TTC28: variants seen among roughly 807,000 people sequenced by gnomAD.
The protein encoded by TTC28 is tetratricopeptide repeat protein 28.
In TTC28, 61 loss-of-function variants were observed where a neutral mutation model predicts 198.0. The observed-to-expected ratio is 0.31, with a 90% CI of 0.25 to 0.38. TTC28 has a LOEUF of 0.38. Ranked by LOEUF, TTC28 falls within the 10% of genes least tolerant of loss-of-function variation. The probability of loss-of-function intolerance (pLI) is 1.00; values close to 1 mark genes in which losing one functional copy is unlikely to be tolerated. For missense variants in TTC28, 2,678 were observed against 3,164.0 expected (o/e 0.85, Z 3.69); for synonymous variants, 1,171 against 1,297.8 (o/e 0.90, Z 2.10).
chr22:28,524,299 T>C (rs1295639573), intron 2 of TTC28, among the ~76,000 whole-genome samples: 4 of 150,230 alleles, frequency 2.7e-5, no homozygotes, highest in African/African-American at 7.4e-5. Context: ...CTACCAAAAA[T>C]ACAAAAACAA....
Position 28,349,447 on chromosome 22 carries a change from G to A in TTC28, c.382-42804C>T, listed in dbSNP as rs1282151374. 3.9e-5 allele frequency among the ~76,000 whole-genome samples: 6 copies of A among 152,238 alleles called. No homozygotes were observed. In the East Asian group the frequency reaches 1.2e-3, roughly 29 times the overall value. On this transcript the variant is annotated intron_variant, in intron 2 of 22. Transcript: ENST00000397906. ...GAACATAATCCATGTCCATTACCACGACTGAACAAATGCCCATCCATCTGC... is the reference window on the plus strand; with the variant it reads ...GAACATAATCCATGTCCATTACCACAACTGAACAAATGCCCATCCATCTGC...
chr22:28,406,623 T>G (rs2047001596), intron 2 of TTC28, among the ~76,000 whole-genome samples: 1 of 152,176 alleles, frequency 6.6e-6, no homozygotes, highest in African/African-American at 2.4e-5. Flanking sequence ...CTGGCACTAG[T>G]AAACACCTAA....
chr22:28,042,170 G>C (rs1435461333), intron 12 of TTC28, among the ~76,000 whole-genome samples: 2 of 152,124 alleles, frequency 1.3e-5, no homozygotes, highest in Non-Finnish European at 2.9e-5. Context: ...AAGACAGTGT[G>C]GCGATTCCTC....
At chr22:28,240,126 A>T (rs1234578133) in intron 5 of TTC28, among the ~76,000 whole-genome samples, 1 of 152,236 alleles carries the variant, frequency 6.6e-6, no homozygotes, top group Non-Finnish European at 1.5e-5. Flanking sequence ...GAAACTTTTC[A>T]ACCCAGTATT....
intron 12 of TTC28, among the ~76,000 whole-genome samples, chr22:28,084,501 A>G (rs993573173): frequency 6.6e-6 from 1 of 152,086 alleles, no homozygotes; most frequent in Admixed American, 6.6e-5. Context: ...CACACCAAAA[A>G]CCCATCTGTA....
At chr22:28,288,030 G>A (rs1370820484) in intron 5 of TTC28, among the ~76,000 whole-genome samples, 2 of 152,166 alleles carry the variant, frequency 1.3e-5, no homozygotes, top group African/African-American at 4.8e-5. Flanking sequence ...CTGATATAAT[G>A]TAGTCATATG....
intron 2 of TTC28, among the ~76,000 whole-genome samples, chr22:28,571,644 C>T (rs1414973850): frequency 6.6e-6 from 1 of 152,088 alleles, no homozygotes; most frequent in Non-Finnish European, 1.5e-5. Context: ...TATGTAGTAA[C>T]GGTTAACATA....
chr22:28,162,743 G>A (rs1733190137), intron 6 of TTC28, among the ~76,000 whole-genome samples: 1 of 152,176 alleles, frequency 6.6e-6, no homozygotes, highest in African/African-American at 2.4e-5. Context: ...GAGCCCAGGA[G>A]TTCGAGACCA....
intron 6 of TTC28, among the ~76,000 whole-genome samples, chr22:28,121,083 G>A (rs972616828): frequency 5.3e-5 from 8 of 152,154 alleles, no homozygotes; most frequent in Non-Finnish European, 1.2e-4. Flanking sequence ...TAATTGAGAG[G>A]AACTTACATA....
chr22:28,310,772 T>G (rs2045241771), intron 2 of TTC28, among the ~76,000 whole-genome samples: 1 of 152,070 alleles, frequency 6.6e-6, no homozygotes, highest in South Asian at 2.1e-4. Context: ...TATTTTCAAA[T>G]GTTATAATTT....
At chr22:28,431,829 T>C (rs142634640) in intron 2 of TTC28, among the ~76,000 whole-genome samples, 2,449 of 151,984 alleles carry the variant, frequency 0.016, 88 homozygotes, top group African/African-American at 0.057. Context: ...AATACAAAAA[T>C]GAGCCGGGCG....
intron 2 of TTC28, among the ~76,000 whole-genome samples, chr22:28,616,123 A>C (rs1189493639): frequency 1.3e-5 from 2 of 152,332 alleles, no homozygotes; most frequent in South Asian, 2.1e-4. Context: ...TTGAGTTCTT[A>C]AACAATGGAC....
intron 5 of TTC28, among the ~76,000 whole-genome samples, chr22:28,294,472 ATATCTTAAAAGTC>A (rs2044850576): frequency 6.6e-6 from 1 of 152,012 alleles, no homozygotes; most frequent in African/African-American, 2.4e-5. Context: ...TATGATTCAG[ATATCTTAAAAGTC>A]TTTCTACCCT....
chr22:28,537,766 T>C (rs2049327506), intron 2 of TTC28, among the ~76,000 whole-genome samples: 1 of 152,228 alleles, frequency 6.6e-6, no homozygotes, highest in Admixed American at 6.5e-5. Context: ...ACTGTTAAAC[T>C]ACAATACATC....
chr22:28,642,458 A>C (rs1306280436), intron 1 of TTC28, among the ~76,000 whole-genome samples: 1 of 151,908 alleles, frequency 6.6e-6, no homozygotes, highest in South Asian at 2.1e-4. Context: ...CAAAAAAAAA[A>C]CACTAGCTTC....
rs2048519802 is a variant in TTC28 at position 28,500,366 on chromosome 22, C to T, written c.381+129186G>A. Among the ~76,000 whole-genome samples the T allele has an allele frequency of 1.3e-5, 2 of 152,152 alleles. 1 individual carries two copies. Among genetic ancestry groups the T allele is most frequent in the African/African-American group, 4.8e-5 (2 of 41,448 alleles). ...CCTTTTAGCATGTATTAATCAGATA[C>T]ATTAATGTATTAAGATCACTTGTTT... On this transcript the variant is annotated intron_variant, in intron 2 of 22. Transcript: ENST00000397906.
chr22:28,467,893 C>G (rs2048044879), intron 2 of TTC28, among the ~76,000 whole-genome samples: 1 of 152,104 alleles, frequency 6.6e-6, no homozygotes, highest in Non-Finnish European at 1.5e-5. Context: ...TCCTGTGTAG[C>G]TGGGACCACA....
chr22:28,461,780 C>G (rs2047954399), intron 2 of TTC28, among the ~76,000 whole-genome samples: 1 of 152,178 alleles, frequency 6.6e-6, no homozygotes, highest in South Asian at 2.1e-4. Flanking sequence ...CTCACCAATC[C>G]TGTCCTCCTT....
At chr22:28,242,096 G>C (rs1483825094) in intron 5 of TTC28, among the ~76,000 whole-genome samples, 1 of 152,110 alleles carries the variant, frequency 6.6e-6, no homozygotes, top group African/African-American at 2.4e-5. Context: ...CTATTTCGGG[G>C]GATCTTCATA....
Sources: gnomAD v4.1 joint callset for allele counts (sites outside exome capture counted in the v4.1 genomes callset) on GRCh38, gnomAD v4.1.1 for gene constraint, MANE v1.5 for transcripts, NCBI Gene and HGNC (gene_info 2026-07-23, HGNC 2026-07-21) for gene names.